The following FRY variants were observed in gnomAD, a reference collection of about 807,000 sequenced individuals.
FRY encodes protein furry homolog.
A neutral mutation model predicts 348.4 loss-of-function variants in FRY; 128 were observed. The observed-to-expected ratio is 0.37, with a 90% CI of 0.32 to 0.43. FRY has a LOEUF of 0.43. Ranked by LOEUF, FRY falls within the 20% of genes least tolerant of loss-of-function variation. The probability of loss-of-function intolerance (pLI) is 1.00; values close to 1 mark genes in which losing one functional copy is unlikely to be tolerated. For synonymous variants in FRY, 1,370 were observed against 1,374.7 expected (o/e 1.00, Z 0.08); for missense variants, 2,736 against 3,695.2 (o/e 0.74, Z 6.73).
At chr13:32,133,768 C>CTTTT (rs34413710) in intron 8 of FRY, among the ~76,000 whole-genome samples, 1,508 of 89,046 alleles carry the variant, frequency 0.017, 11 homozygotes, top group African/African-American at 0.031. Context: ...TTCTTTCTTT[C>CTTTT]TTTTTTTTTT....
chr13:32,192,703 G>A (rs1157069850), intron 28 of FRY, among the ~76,000 whole-genome samples: 2 of 149,152 alleles, frequency 1.3e-5, no homozygotes, highest in Non-Finnish European at 3.0e-5. Context: ...CTGACAAGAA[G>A]AGTGAACAAC....
chr13:32,230,837 T>C (rs936086314), intron 40 of FRY, among the ~76,000 whole-genome samples: 14 of 152,238 alleles, frequency 9.2e-5, no homozygotes, highest in Admixed American at 7.9e-4. Context: ...TTTGACTTTT[T>C]AATAATCACC....
chr13:32,224,154 A>G, intron 36 of FRY, 81 bp from the exon 37 acceptor site: 1 of 1,296,702 alleles, frequency 7.7e-7, no homozygotes, highest in Non-Finnish European at 1.1e-6. Context: ...CATTTTTAAA[A>G]TTTATTCTGA....
At chr13:32,166,760 G>A (rs1437330532) in intron 17 of FRY, among the ~76,000 whole-genome samples, 2 of 152,156 alleles carry the variant, frequency 1.3e-5, no homozygotes. Flanking sequence ...ACTACCCACA[G>A]ACTCGTCTTG....
At chr13:32,058,381 C>A (rs2138431393) in intron 1 of FRY, among the ~76,000 whole-genome samples, 1 of 152,246 alleles carries the variant, frequency 6.6e-6, no homozygotes, top group South Asian at 2.1e-4. Context: ...GAATTCAGAT[C>A]ATCAGTAAAT....
intron 41 of FRY, among the ~76,000 whole-genome samples, chr13:32,234,059 A>G: frequency 6.9e-6 from 1 of 144,706 alleles, no homozygotes; most frequent in Non-Finnish European, 1.5e-5. Context: ...CTGAGGCAGG[A>G]GGATTTCTTG....
At position 32,239,876 on chromosome 13, in the gene FRY, G is replaced by A; in HGVS notation, c.6682G>A (p.Ala2228Thr). 6.2e-7 allele frequency: 1 copy of A among 1,613,628 alleles called. No individual in the cohort carries two copies. Among genetic ancestry groups the A allele is most frequent in the Admixed American group, 1.7e-5 (1 of 59,968 alleles). Residue 2228 changes from alanine (A) to threonine (T), a missense_variant, in exon 46 of 61, where the codon GCA becomes ACA. By Grantham distance (58) the Ala-to-Thr change is moderately conservative. This residue lies in a region of FRY where 789 missense variants were observed against 996.2 expected (regional missense o/e 0.79). Coordinates refer to ENST00000542859, the MANE Select transcript of FRY (RefSeq NM_023037.3). The surrounding 1 kb of genome is among the most constrained non-coding windows in gnomAD (Gnocchi z 4.3). ...DITLNMVTYLAELLEKGLPSV... is the reference protein window; with the variant it reads ...DITLNMVTYLTELLEKGLPSV... ...TACCTTGAATATGGTTACCTACCTG[G>A]CAGAGGTAAGCTTTTTTTTTTTGTT... is the stretch of plus-strand genomic sequence containing the variant.
At chr13:32,224,201 A>G (rs752076236) in intron 36 of FRY, 34 bp from the exon 37 acceptor site, 3 of 1,602,782 alleles carry the variant, frequency 1.9e-6, no homozygotes, top group Admixed American at 1.7e-5. Context: ...CCTCTCCCTG[A>G]AAATAAAGCA....
At chr13:32,201,587 A>G (rs1340100411) in intron 29 of FRY, among the ~76,000 whole-genome samples, 1 of 151,218 alleles carries the variant, frequency 6.6e-6, no homozygotes, top group Non-Finnish European at 1.5e-5. Flanking sequence ...TAGTACATGT[A>G]TCCTTTTCTG....
At chr13:32,258,965 G>GA (rs981832269) in intron 51 of FRY, among the ~76,000 whole-genome samples, 2 of 151,886 alleles carry the variant, frequency 1.3e-5, no homozygotes, top group South Asian at 4.1e-4. Flanking sequence ...GTTCCAATAT[G>GA]AAAAAAAGTG....
At chr13:32,279,794 C>G (rs1279362976) in intron 58 of FRY, among the ~76,000 whole-genome samples, 1 of 152,176 alleles carries the variant, frequency 6.6e-6, no homozygotes, top group Non-Finnish European at 1.5e-5. Flanking sequence ...ACATTTTCAA[C>G]CAAACACCAG....
At chr13:32,284,655 G>A (rs1410406465) in intron 58 of FRY, among the ~76,000 whole-genome samples, 1 of 152,150 alleles carries the variant, frequency 6.6e-6, no homozygotes, top group Admixed American at 6.5e-5. Flanking sequence ...AATGTGCCAG[G>A]CCCAAGCATT....
At position 32,147,297 on chromosome 13, in the gene FRY, A is replaced by G; in HGVS notation, c.1195A>G (p.Met399Val). Residue 399 changes from methionine to valine, a missense_variant, in exon 12 of 61, where the codon ATG (methionine) becomes GTG (valine). Physicochemically the swap from Met to Val is conservative, Grantham distance 21 (BLOSUM62 1). Around this residue, in one of 9 missense-constraint regions of FRY, gnomAD observed 191 missense variants for 370.2 expected, o/e 0.52. Transcript: ENST00000542859. Reference sequence around the variant, plus strand: ...TCTGTTATAGAACAAAGATCCCAAGATGGCTCGAGTTGCACTGGAATCTCT... The same window carrying G: ...TCTGTTATAGAACAAAGATCCCAAGGTGGCTCGAGTTGCACTGGAATCTCT... ...LSNLKNKDPKMARVALESLYR... is the reference protein window; with the variant it reads ...LSNLKNKDPKVARVALESLYR... The G allele has an allele frequency of 6.2e-7, 1 of 1,606,174 alleles. No individual in the cohort carries two copies. Among genetic ancestry groups the G allele is most frequent in the Non-Finnish European group, 8.5e-7 (1 of 1,172,778 alleles).
At chr13:32,036,640 G>A (rs1872526803) in intron 1 of FRY, among the ~76,000 whole-genome samples, 1 of 151,898 alleles carries the variant, frequency 6.6e-6, no homozygotes, top group South Asian at 2.1e-4. Context: ...TGAGACACTG[G>A]GTGCAAACCG....
In FRY at chr13:32,267,240, C is replaced by T; in HGVS notation, c.8017C>T (p.Gln2673Ter). 6.2e-7 allele frequency: 1 copy of T among 1,612,460 alleles called. No individual in the cohort carries two copies. The highest frequency in any genetic ancestry group is 8.5e-7 in the Non-Finnish European group (1 of 1,179,024). The change falls in exon 55 of 61, where the codon CAG becomes TAG. Residue 2673 changes from glutamine to a stop codon, truncating the protein, a stop_gained. Transcript: ENST00000542859. LOFTEE classifies it high-confidence loss of function. The part of the protein sequence containing the change: ...PFFSAILAAF[Q>*]PAACDDAEEA... ...CTTCTCAGCCATCCTTGCCGCCTTTCAGCCCGCAGCCTGTGACGATGCCGA... is the reference window on the plus strand; with the variant it reads ...CTTCTCAGCCATCCTTGCCGCCTTTTAGCCCGCAGCCTGTGACGATGCCGA...
At chr13:32,207,929 T>G (rs1289493813) in intron 31 of FRY, among the ~76,000 whole-genome samples, 1 of 152,208 alleles carries the variant, frequency 6.6e-6, no homozygotes, top group Admixed American at 6.5e-5. Flanking sequence ...TAAAATACCT[T>G]CTTCTCTAGA....
intron 2 of FRY, among the ~76,000 whole-genome samples, chr13:32,089,285 T>A (rs2138577043): frequency 6.6e-6 from 1 of 152,316 alleles, no homozygotes; most frequent in South Asian, 2.1e-4. Flanking sequence ...ACTTTTAAAA[T>A]TTCTTAAAAC....
chr13:32,251,523 C>CAT (rs148307591), intron 49 of FRY, among the ~76,000 whole-genome samples: 2 of 151,982 alleles, frequency 1.3e-5, no homozygotes, highest in Non-Finnish European at 2.9e-5. Context: ...CACATACACA[C>CAT]ATATATACAC....
intron 55 of FRY, among the ~76,000 whole-genome samples, chr13:32,268,503 AAAATATATATAT>A (rs1443328136): frequency 6.8e-4 from 10 of 14,782 alleles, no homozygotes; most frequent in African/African-American, 1.8e-3. Flanking sequence ...AAAAAAAAAA[AAAATATATATAT>A]ATATATATAT....
Sources: gnomAD v4.1 joint callset for allele counts (sites outside exome capture counted in the v4.1 genomes callset) on GRCh38, gnomAD v4.1.1 for gene constraint, gnomAD v4.1.1 regional missense constraint, Gnocchi (gnomAD v3.1) non-coding constraint, MANE v1.5 for transcripts, NCBI Gene and HGNC (gene_info 2026-07-23, HGNC 2026-07-21) for gene names.